Variants in PRKG1 observed in about 807,000 individuals in gnomAD.
The protein encoded by PRKG1 is protein kinase cGMP-dependent 1.
Under a neutral mutation model 88.1 loss-of-function variants are expected in PRKG1, and 35 were observed. That is an observed-to-expected ratio of 0.40 (90% CI 0.30 to 0.53). The LOEUF (loss-of-function observed/expected upper bound fraction) is 0.53, where lower values mean the gene tolerates loss of function less well. Among genes scored for constraint, PRKG1 ranks in the 20% least tolerant of loss-of-function variants. PRKG1 has a pLI of 0.59. For synonymous variants in PRKG1, 303 were observed against 292.5 expected, an observed-to-expected ratio of 1.04 and a Z score of -0.37; for missense variants, 540 against 839.8, an observed-to-expected ratio of 0.64 and a Z score of 4.41.
intron 1 of PRKG1, among the ~76,000 whole-genome samples, chr10:51,133,912 ATC>A (rs1189562490): frequency 1.3e-5 from 2 of 152,194 alleles, no homozygotes; most frequent in African/African-American, 4.8e-5. Context: ...ACAACATTGT[ATC>A]TCTTCTCTTC....
chr10:51,663,069 C>T (rs1346970351), intron 3 of PRKG1, among the ~76,000 whole-genome samples: 1 of 151,836 alleles, frequency 6.6e-6, no homozygotes, highest in Admixed American at 6.6e-5. Flanking sequence ...TGAATTTTAG[C>T]AGGTAAAATT....
intron 3 of PRKG1, among the ~76,000 whole-genome samples, chr10:51,657,256 G>GT (rs975676131): frequency 6.6e-6 from 1 of 151,806 alleles, no homozygotes; most frequent in East Asian, 1.9e-4. Flanking sequence ...CATTTATATG[G>GT]TTTTTTTGTT....
chr10:51,754,688 G>A (rs1837811940), intron 3 of PRKG1, among the ~76,000 whole-genome samples: 1 of 152,154 alleles, frequency 6.6e-6, no homozygotes, highest in South Asian at 2.1e-4. Flanking sequence ...TGCAGAAGGT[G>A]CCCATTAGTG....
chr10:52,055,655 GTTTC>G (rs535237258), intron 6 of PRKG1, among the ~76,000 whole-genome samples: 11 of 152,002 alleles, frequency 7.2e-5, no homozygotes, highest in Admixed American at 2.0e-4. Flanking sequence ...TTAAACTTAT[GTTTC>G]TTTATTATAT....
chr10:51,698,673 G>A, intron 3 of PRKG1: 1 of 1,614,184 alleles, frequency 6.2e-7, no homozygotes, highest in African/African-American at 1.3e-5. Flanking sequence ...CCAACCCCTG[G>A]CATTCCAAGT....
chr10:52,134,776 A>T (rs1358936556), intron 8 of PRKG1, among the ~76,000 whole-genome samples: 1 of 152,098 alleles, frequency 6.6e-6, no homozygotes, highest in Non-Finnish European at 1.5e-5. Flanking sequence ...CTGGATGCCG[A>T]GCTCAGAGGA....
intron 3 of PRKG1, among the ~76,000 whole-genome samples, chr10:51,522,318 T>C (rs1178711991): frequency 3.9e-5 from 6 of 152,178 alleles, no homozygotes; most frequent in Non-Finnish European, 8.8e-5. Context: ...AACCATCACA[T>C]AGGTATTCAG....
At chr10:51,828,938 A>G (rs1015891551) in intron 4 of PRKG1, among the ~76,000 whole-genome samples, 8 of 152,326 alleles carry the variant, frequency 5.3e-5, no homozygotes, top group African/African-American at 1.9e-4. Context: ...TACTGGTTTA[A>G]AACAACAAAC....
intron 1 of PRKG1, among the ~76,000 whole-genome samples, chr10:51,058,243 A>T (rs1382023876): frequency 6.6e-6 from 1 of 152,024 alleles, no homozygotes; most frequent in African/African-American, 2.4e-5. Context: ...ATCCGACTTA[A>T]CCTTTTTGCT....
intron 5 of PRKG1, among the ~76,000 whole-genome samples, chr10:51,974,682 G>A (rs969401059): frequency 6.6e-6 from 1 of 152,044 alleles, no homozygotes; most frequent in African/African-American, 2.4e-5. Context: ...ATATTTTAAT[G>A]TTCACCTTAA....
chr10:52,139,237 A>G (rs1837508405), intron 8 of PRKG1, among the ~76,000 whole-genome samples: 4 of 152,314 alleles, frequency 2.6e-5, no homozygotes, highest in South Asian at 4.1e-4. Context: ...ATATATGTAT[A>G]GAACCAGCTC....
intron 3 of PRKG1, among the ~76,000 whole-genome samples, chr10:51,477,012 C>T (rs1052317481): frequency 1.3e-5 from 2 of 151,838 alleles, no homozygotes; most frequent in African/African-American, 4.8e-5. Flanking sequence ...TTTTAAGGAG[C>T]TTAAGAAACT....
chr10:51,407,083 G>T (rs1837940753), intron 2 of PRKG1, among the ~76,000 whole-genome samples: 1 of 152,074 alleles, frequency 6.6e-6, no homozygotes, highest in African/African-American at 2.4e-5. Context: ...ATTAAATGAT[G>T]CCCACCGGGA....
rs74861561 is a variant in PRKG1, at chr10:52,121,182, A to G, written c.936-12658A>G. 8.6e-3 allele frequency among the ~76,000 whole-genome samples: 1,312 copies of G among 152,152 alleles called. 15 individuals are homozygous for G. The highest frequency in any genetic ancestry group is 0.026 in the African/African-American group (1,091 of 41,530). ...CCCTGGAGGTGGTGTAGGACAACAA[A>G]TCATGAGGCCTTTAGAGCATCTCTC... is the stretch of plus-strand genomic sequence containing the variant. On this transcript the variant is annotated intron_variant, in intron 7 of 17. Transcript: ENST00000373980.
At chr10:52,127,193 G>A (rs1459724956) in intron 7 of PRKG1, among the ~76,000 whole-genome samples, 2 of 152,092 alleles carry the variant, frequency 1.3e-5, no homozygotes, top group African/African-American at 4.8e-5. Flanking sequence ...ATGGGGAAGA[G>A]TTAAAAAATG....
intron 5 of PRKG1, among the ~76,000 whole-genome samples, chr10:52,034,418 T>A (rs1478860115): frequency 6.8e-6 from 1 of 146,932 alleles, no homozygotes; most frequent in African/African-American, 2.5e-5. Flanking sequence ...GTGGGGATGT[T>A]AGAAGAAACA....
chr10:51,065,095 C>G (rs994466292), intron 1 of PRKG1, among the ~76,000 whole-genome samples: 1 of 151,860 alleles, frequency 6.6e-6, no homozygotes, highest in Non-Finnish European at 1.5e-5. Flanking sequence ...CATCTGCTTT[C>G]GAAATAATGT....
chr10:51,329,053 T>C (rs1841664113), intron 2 of PRKG1, among the ~76,000 whole-genome samples: 2 of 152,136 alleles, frequency 1.3e-5, no homozygotes, highest in African/African-American at 4.8e-5. Flanking sequence ...TTCTTTGCTA[T>C]GTAGATGCTT....
chr10:51,947,384 G>C (rs1432937338), intron 5 of PRKG1, among the ~76,000 whole-genome samples: 1 of 152,134 alleles, frequency 6.6e-6, no homozygotes, highest in Non-Finnish European at 1.5e-5. Context: ...TCTTTGACTA[G>C]GAAAGGGAAC....
Sources: allele counts gnomAD v4.1 joint callset (sites outside exome capture counted in the v4.1 genomes callset), GRCh38; gene constraint gnomAD v4.1.1; transcripts MANE v1.5; gene names NCBI Gene and HGNC (gene_info 2026-07-23, HGNC 2026-07-21).